ZIC2: variants seen among roughly 807,000 people sequenced by gnomAD.
The protein encoded by ZIC2 is zinc finger protein ZIC 2.
In ZIC2, 7 loss-of-function variants were observed where a neutral mutation model predicts 29.5. The observed-to-expected ratio is 0.24, with a 90% CI of 0.14 to 0.45. The LOEUF (loss-of-function observed/expected upper bound fraction) is 0.45. Ranked by LOEUF, ZIC2 falls within the 20% of genes least tolerant of loss-of-function variation. The pLI is 1.00. For missense variants in ZIC2, 589 were observed against 781.2 expected, an observed-to-expected ratio of 0.75 and a Z score of 2.93; for synonymous variants, 408 against 354.2, an observed-to-expected ratio of 1.15 and a Z score of -1.70.
At chr13:99,984,024 G>A (rs1179067292) in intron 1 of ZIC2, among the ~76,000 whole-genome samples, 1 of 152,248 alleles carries the variant, frequency 6.6e-6, no homozygotes, top group African/African-American at 2.4e-5. Flanking sequence ...TTCTCTTCCG[G>A]GAAGGGAGGG....
rs1038743512 is a variant in ZIC2, at chr13:99,985,217, C to G, written c.1240-106C>G. ...GGAGGGTCCCCAGGGGCCAGGGCGG[C>G]GGGGGGAACATTTCTGGGGGTGCTC... On this transcript the variant is annotated intron_variant, in intron 2 of 2. Transcript: ENST00000376335. This position sits in a 1 kb window ranked among gnomAD's most constrained non-coding sequence, Gnocchi z 6.3. 6.2e-6 allele frequency: 10 copies of G among 1,602,384 alleles called. No individual in the cohort carries two copies. In the Admixed American group the frequency reaches 1.7e-4, roughly 27 times the overall value.
In ZIC2 at chr13:99,982,316, C is replaced by G; in HGVS notation, c.252C>G (p.Ala84=). ...SSAFTSQGPG[A]YPGSAAAAAA... The stretch of plus-strand genomic sequence containing the variant: ...CGTTCACGTCGCAGGGCCCCGGCGC[C>G]TACCCCGGCTCCGCTGCGGCTGCCG... Residue 84 remains alanine, a synonymous_variant, in exon 1 of 3, where the codon GCC becomes GCG. Transcript: ENST00000376335. The G allele has an allele frequency of 1.4e-6, 2 of 1,471,734 alleles. No homozygotes were observed. Among genetic ancestry groups the G allele is most frequent in the Non-Finnish European group, 1.8e-6 (2 of 1,113,998 alleles). 91.2% of individuals were successfully genotyped at this position (1,471,734 alleles called of 1,614,324 possible).
Position 99,986,001 on chromosome 13 carries a change from A to T in ZIC2, c.*319A>T. On this transcript the variant is annotated 3_prime_UTR_variant, in exon 3 of 3. Transcript: ENST00000376335. ...AATCTCCATGCCCACGTTCTTTCCCACCCTGTTCCCAGTCTTCTGACAAAC... is the reference window on the plus strand; with the variant it reads ...AATCTCCATGCCCACGTTCTTTCCCTCCCTGTTCCCAGTCTTCTGACAAAC... The T allele has an allele frequency of 2.2e-6, 1 of 454,300 alleles. No individual in the cohort carries two copies. The highest frequency in any genetic ancestry group is 4.4e-6 in the Non-Finnish European group (1 of 226,578). 28.1% of individuals were successfully genotyped at this position (454,300 alleles called of 1,614,324 possible). A position where few individuals can be genotyped will look rare whatever the true frequency, so the allele number is the denominator to read the frequency against.
chr13:99,985,034 C>T lies in ZIC2; in HGVS notation c.1164C>T (p.Thr388=), dbSNP rs778315160. 3 of 1,614,046 alleles carry T rather than the reference C, an allele frequency of 1.9e-6. No homozygotes were observed. The highest frequency in any genetic ancestry group is 2.5e-6 in the Non-Finnish European group (3 of 1,179,998). ...GGAAGAAGCACATGCACGTCCACAC[C>T]TCCGATAAGCCCTATCTCTGCAAGA... is the stretch of plus-strand genomic sequence containing the variant. ...SDRKKHMHVH[T]SDKPYLCKMC... is the part of the protein sequence containing the mutation. The change falls in exon 2 of 3, where the codon ACC becomes ACT. Residue 388 remains threonine, a synonymous_variant. Coordinates refer to ENST00000376335, the MANE Select transcript of ZIC2 (RefSeq NM_007129.5). The surrounding 1 kb of genome is among the most constrained non-coding windows in gnomAD (Gnocchi z 6.3).
intron 1 of ZIC2, chr13:99,984,188 G>A (rs1270978823): frequency 6.6e-6 from 1 of 152,388 alleles, no homozygotes; most frequent in African/African-American, 2.4e-5. Flanking sequence ...CCCTTTCCAA[G>A]TGGAACGACG....
In ZIC2 at chr13:99,985,495, T is replaced by C. The variant is rs1240286221; in HGVS notation, c.1412T>C (p.Val471Ala). The change falls in exon 3 of 3, where the codon GTG becomes GCG. Residue 471 changes from valine (V) to alanine (A), a missense_variant. By Grantham distance (64) the Val-to-Ala change is moderately conservative. Coordinates refer to ENST00000376335, the MANE Select transcript of ZIC2 (RefSeq NM_007129.5). This position sits in a 1 kb window ranked among gnomAD's most constrained non-coding sequence, Gnocchi z 6.3. ...GCGGCTGCGGCGGCGGCGGCCGCGG[T>C]GTCCGCGGTGCACCGGGGCGGAGGC... is the stretch of plus-strand genomic sequence containing the variant. ...AAAAAAAAAA[V>A]SAVHRGGGSG... 1 of 1,211,210 alleles carries C rather than the reference T, an allele frequency of 8.3e-7. No homozygotes were observed. Among genetic ancestry groups the C allele is most frequent in the Non-Finnish European group, 1.0e-6 (1 of 983,162 alleles). 75.0% of individuals were successfully genotyped at this position (1,211,210 alleles called of 1,614,324 possible).
chr13:99,985,218 G>A lies in ZIC2; in HGVS notation c.1240-105G>A. On this transcript the variant is annotated intron_variant, in intron 2 of 2. Coordinates refer to ENST00000376335, the MANE Select transcript of ZIC2 (RefSeq NM_007129.5). This position sits in a 1 kb window ranked among gnomAD's most constrained non-coding sequence, Gnocchi z 6.3. ...GAGGGTCCCCAGGGGCCAGGGCGGCGGGGGGAACATTTCTGGGGGTGCTCT... is the reference window on the plus strand; with the variant it reads ...GAGGGTCCCCAGGGGCCAGGGCGGCAGGGGGAACATTTCTGGGGGTGCTCT... The A allele has an allele frequency of 1.9e-6, 3 of 1,602,134 alleles. No homozygotes were observed. Among genetic ancestry groups the A allele is most frequent in the Non-Finnish European group, 2.6e-6 (3 of 1,174,398 alleles).
At position 99,983,552 on chromosome 13, in the gene ZIC2, T is replaced by TG. The variant is rs2053247280; in HGVS notation, c.1075+415dup. On this transcript the variant is annotated intron_variant, in intron 1 of 2. Coordinates refer to ENST00000376335, the MANE Select transcript of ZIC2 (RefSeq NM_007129.5). This position sits in a 1 kb window ranked among gnomAD's most constrained non-coding sequence, Gnocchi z 4.7. ...TGCTCGGAGTGTATGTCTGTCTGAGTGGTTTGTGTGTTTTCCCACTTCTTT... is the reference window on the plus strand; with the variant it reads ...TGCTCGGAGTGTATGTCTGTCTGAGTGGGTTTGTGTGTTTTCCCACTTCTTT... Among the ~76,000 whole-genome samples, 1 of 151,976 alleles carries TG rather than the reference T, an allele frequency of 6.6e-6. No homozygotes were observed. Among genetic ancestry groups the TG allele is most frequent in the Non-Finnish European group, 1.5e-5 (1 of 67,984 alleles).
Position 99,986,203 on chromosome 13 carries a change from T to C in ZIC2, c.*521T>C. 1 of 312,912 alleles carries C rather than the reference T, an allele frequency of 3.2e-6. No individual in the cohort carries two copies. Among genetic ancestry groups the C allele is most frequent in the South Asian group, 2.8e-5 (1 of 35,412 alleles). 19.4% of individuals were successfully genotyped at this position (312,912 alleles called of 1,614,324 possible). On this transcript the variant is annotated 3_prime_UTR_variant, in exon 3 of 3. Coordinates refer to ENST00000376335, the MANE Select transcript of ZIC2 (RefSeq NM_007129.5). ...CTTTTTAGTTTACCCGGTTTCTTTT[T>C]AAGTAATGTGGAAGAAAATGGTTTA...
At position 99,985,408 on chromosome 13, in the gene ZIC2, C is replaced by T. The variant is rs773773109; in HGVS notation, c.1325C>T (p.Ser442Phe). 2 of 1,595,762 alleles carry T rather than the reference C, an allele frequency of 1.3e-6. No homozygotes were observed. Among genetic ancestry groups the T allele is most frequent in the South Asian group, 1.1e-5 (1 of 91,014 alleles). ...TCGTCCACGCCCCCGGGGCTGGTGT[C>T]CCCCAGCGCCGAGCCCCAGAGCAGC... The part of the protein sequence containing the change: ...YESSTPPGLV[S>F]PSAEPQSSSN... The change falls in exon 3 of 3, where the codon TCC becomes TTC. Residue 442 changes from serine to phenylalanine, a missense_variant. Around this residue, in one of 7 missense-constraint regions of ZIC2, gnomAD observed 135 missense variants for 136.7 expected, o/e 0.99. Transcript: ENST00000376335. The surrounding 1 kb of genome is among the most constrained non-coding windows in gnomAD (Gnocchi z 6.3).
In ZIC2 at chr13:99,983,192, T is replaced by C. The variant is rs2053245400; in HGVS notation, c.1075+53T>C. ...GCGCGGAGGGGAGACACGCACAGGCTGAGACTCAGGCTGTGGGTGCCGACG... is the reference window on the plus strand; with the variant it reads ...GCGCGGAGGGGAGACACGCACAGGCCGAGACTCAGGCTGTGGGTGCCGACG... On this transcript the variant is annotated intron_variant, in intron 1 of 2. Transcript: ENST00000376335. This position sits in a 1 kb window ranked among gnomAD's most constrained non-coding sequence, Gnocchi z 4.7. 5 of 1,594,992 alleles carry C rather than the reference T, an allele frequency of 3.1e-6. No individual in the cohort carries two copies. The highest frequency in any genetic ancestry group is 4.3e-6 in the Non-Finnish European group (5 of 1,171,592).
chr13:99,983,851 A>G lies in ZIC2; in HGVS notation c.1075+712A>G, dbSNP rs927669385. Among the ~76,000 whole-genome samples the G allele has an allele frequency of 9.9e-5, 15 of 152,172 alleles. No homozygotes were observed. Among genetic ancestry groups the G allele is most frequent in the African/African-American group, 3.1e-4 (13 of 41,442 alleles). On this transcript the variant is annotated intron_variant, in intron 1 of 2. Transcript: ENST00000376335. This position sits in a 1 kb window ranked among gnomAD's most constrained non-coding sequence, Gnocchi z 4.7. The stretch of plus-strand genomic sequence containing the variant: ...CCCCGCGGGGGGATCGCGTGAGAAG[A>G]GAGAGCCGCAAAAGAACGCGCCTCC...
chr13:99,984,713 G>A, intron 1 of ZIC2: 1 of 538,506 alleles, frequency 1.9e-6, no homozygotes, highest in Non-Finnish European at 3.3e-6. Context: ...GAAATTTGAG[G>A]AGATGGACGT....
chr13:99,984,197 C>G (rs1234763392), intron 1 of ZIC2: 1 of 152,366 alleles, frequency 6.6e-6, no homozygotes, highest in East Asian at 1.9e-4. Flanking sequence ...AGTGGAACGA[C>G]GTTTGAGTTC....
rs921926048 is a variant in ZIC2, at chr13:99,985,475, T to C, written c.1392T>C (p.Ala464=). Residue 464 remains alanine (A), a synonymous_variant, in exon 3 of 3, where the codon GCT becomes GCC. Coordinates refer to ENST00000376335, the MANE Select transcript of ZIC2 (RefSeq NM_007129.5). This position sits in a 1 kb window ranked among gnomAD's most constrained non-coding sequence, Gnocchi z 6.3. The part of the protein sequence containing the change: ...SPAAAAAAAA[A]AAAAAAVSAV... ...CGGCGGCGGCAGCGGCGGCGGCGGC[T>C]GCGGCGGCGGCGGCCGCGGTGTCCG... 8.5e-6 allele frequency: 11 copies of C among 1,291,840 alleles called. No individual in the cohort carries two copies. Among genetic ancestry groups the C allele is most frequent in the Middle Eastern group, 2.3e-4 (1 of 4,426 alleles). 80.0% of individuals were successfully genotyped at this position (1,291,840 alleles called of 1,614,324 possible).
rs1276217257 is a variant in ZIC2 at position 99,982,399 on chromosome 13, C to A, written c.335C>A (p.Pro112His). The A allele has an allele frequency of 6.8e-7, 1 of 1,477,000 alleles. No homozygotes were observed. The highest frequency in any genetic ancestry group is 2.9e-5 in the East Asian group (1 of 34,272). The allele number at this position is 1,477,000 out of a possible 1,614,324, so 91.5% of individuals were successfully genotyped here. A position where few individuals can be genotyped will look rare whatever the true frequency, so the allele number is the denominator to read the frequency against. The change falls in exon 1 of 3, where the codon CCC (proline) becomes CAC (histidine). Residue 112 changes from proline to histidine, a missense_variant. Pro to His is a moderately conservative substitution (Grantham distance 77, BLOSUM62 -2). Around this residue, in one of 7 missense-constraint regions of ZIC2, gnomAD observed 358 missense variants for 382.0 expected, o/e 0.94. Coordinates refer to ENST00000376335, the MANE Select transcript of ZIC2 (RefSeq NM_007129.5). The stretch of plus-strand genomic sequence containing the variant: ...CACGTTGGCTCCTACTCTGGGCCGC[C>A]CTTCAACTCCACCCGGGACTTCCTG... The part of the protein sequence containing the change: ...AAHVGSYSGP[P>H]FNSTRDFLFR...
chr13:99,982,136 C>A lies in ZIC2; in HGVS notation c.72C>A (p.Ser24=). The A allele has an allele frequency of 1.5e-6, 2 of 1,329,430 alleles. No individual in the cohort carries two copies. Among genetic ancestry groups the A allele is most frequent in the Non-Finnish European group, 1.9e-6 (2 of 1,044,626 alleles). 82.4% of individuals were successfully genotyped at this position (1,329,430 alleles called of 1,614,324 possible). ...GCTTCGCGCGCCACCATCACCACTCCGCCGCGGCGGCGGCGGCGGCTGCCG... is the reference window on the plus strand; with the variant it reads ...GCTTCGCGCGCCACCATCACCACTCAGCCGCGGCGGCGGCGGCGGCTGCCG... ...VGSFARHHHH[S]AAAAAAAAAE... Residue 24 remains serine, a synonymous_variant, in exon 1 of 3, where the codon TCC becomes TCA. Coordinates refer to ENST00000376335, the MANE Select transcript of ZIC2 (RefSeq NM_007129.5).
rs1389134137 is a variant in ZIC2, at chr13:99,982,530, C to G, written c.466C>G (p.His156Asp). The G allele has an allele frequency of 6.5e-7, 1 of 1,533,604 alleles. No individual in the cohort carries two copies. The highest frequency in any genetic ancestry group is 1.4e-5 in the African/African-American group (1 of 72,916). The allele number at this position is 1,533,604 out of a possible 1,614,324, so 95.0% of individuals were successfully genotyped here. The change falls in exon 1 of 3, where the codon CAC (histidine) becomes GAC (aspartate). Residue 156 changes from histidine to aspartate, a missense_variant. By Grantham distance (81) the His-to-Asp change is moderately conservative. Around this residue, in one of 7 missense-constraint regions of ZIC2, gnomAD observed 358 missense variants for 382.0 expected, o/e 0.94. Coordinates refer to ENST00000376335, the MANE Select transcript of ZIC2 (RefSeq NM_007129.5). ...CCACGCGCACTCGGACGCGCAGGGCCACCTCCTCTTCCCGGGCCTGCCAGA... is the reference window on the plus strand; with the variant it reads ...CCACGCGCACTCGGACGCGCAGGGCGACCTCCTCTTCCCGGGCCTGCCAGA... ...LHHAHSDAQGHLLFPGLPEQH... is the reference protein window; with the variant it reads ...LHHAHSDAQGDLLFPGLPEQH...
At position 99,985,195 on chromosome 13, in the gene ZIC2, G is replaced by C. The variant is rs2053257915; in HGVS notation, c.1239+86G>C. 13 of 1,606,666 alleles carry C rather than the reference G, an allele frequency of 8.1e-6. No individual in the cohort carries two copies. The highest frequency in any genetic ancestry group is 1.1e-5 in the Non-Finnish European group (13 of 1,176,028). ...CCGGACCACCTCAGCCGGCCTGGGA[G>C]GGTCCCCAGGGGCCAGGGCGGCGGG... On this transcript the variant is annotated intron_variant, in intron 2 of 2. Transcript: ENST00000376335. The surrounding 1 kb of genome is among the most constrained non-coding windows in gnomAD (Gnocchi z 6.3).
Sources: allele counts gnomAD v4.1 joint callset (sites outside exome capture counted in the v4.1 genomes callset), GRCh38; gene constraint gnomAD v4.1.1; regional missense constraint gnomAD v4.1.1; non-coding constraint Gnocchi (gnomAD v3.1); transcripts MANE v1.5; gene names NCBI Gene and HGNC (gene_info 2026-07-23, HGNC 2026-07-21).